Variants in MTERF3 observed in about 807,000 individuals in gnomAD.
The protein encoded by MTERF3 is transcription termination factor 3, mitochondrial.
Under a neutral mutation model 40.5 loss-of-function variants are expected in MTERF3, and 40 were observed. That is an observed-to-expected ratio of 0.99 (90% CI 0.77 to 1.29). The LOEUF is 1.29. Among genes scored for constraint, MTERF3 ranks in the 50% most tolerant of loss-of-function variants. The pLI is 0.00. For missense variants in MTERF3, 452 were observed against 478.2 expected (o/e 0.95, Z 0.51); for synonymous variants, 158 against 166.6 (o/e 0.95, Z 0.40).
chr8:96,240,552 A>C (rs1439591389), intron 7 of MTERF3, among the ~76,000 whole-genome samples: 1 of 152,170 alleles, frequency 6.6e-6, no homozygotes, highest in African/African-American at 2.4e-5. Context: ...CCTGCCTCAA[A>C]GTAAAACTCC....
intron 7 of MTERF3, among the ~76,000 whole-genome samples, chr8:96,242,301 G>C (rs1165440128): frequency 6.6e-6 from 1 of 152,152 alleles, no homozygotes; most frequent in Non-Finnish European, 1.5e-5. Flanking sequence ...GCAAGGGTTT[G>C]GGGTGCCTAA....
At chr8:96,250,316 T>A (rs1403557697) in intron 4 of MTERF3, among the ~76,000 whole-genome samples, 2 of 143,264 alleles carry the variant, frequency 1.4e-5, no homozygotes, top group Admixed American at 1.4e-4. Flanking sequence ...ATAAGTTAGC[T>A]ATTTGTTGAT....
Position 96,257,068 on chromosome 8 carries a change from C to T in MTERF3, c.381G>A (p.Glu127=). ...CTGCAATAATCTGAATAGCCTCTTC[C>T]TCTGAAATTGGCTGCATTGGAGACA... ...PPLSPMQPIS[E]EEAIQIIADP... The change falls in exon 3 of 8, where the codon GAG becomes GAA. Residue 127 remains glutamate, a synonymous_variant. Coordinates refer to ENST00000287025, the MANE Select transcript of MTERF3 (RefSeq NM_015942.5). 6.2e-7 allele frequency: 1 copy of T among 1,613,638 alleles called. No homozygotes were observed. The highest frequency in any genetic ancestry group is 8.5e-7 in the Non-Finnish European group (1 of 1,179,794).
intron 3 of MTERF3, among the ~76,000 whole-genome samples, chr8:96,251,549 C>A (rs987691965): frequency 1.3e-5 from 2 of 152,134 alleles, no homozygotes; most frequent in Non-Finnish European, 1.5e-5. Context: ...TGATTCCCAT[C>A]ATAGGGGGAA....
intron 4 of MTERF3, 148 bp downstream of exon 4, chr8:96,250,758 T>G: frequency 8.7e-6 from 5 of 577,062 alleles, no homozygotes; most frequent in Non-Finnish European, 1.4e-5. Flanking sequence ...TGTAAATACT[T>G]AATTTAGATC....
intron 7 of MTERF3, among the ~76,000 whole-genome samples, chr8:96,240,590 T>C (rs1034162520): frequency 1.3e-5 from 2 of 151,876 alleles, no homozygotes; most frequent in Non-Finnish European, 2.9e-5. Context: ...GGCAGCAACT[T>C]TAGAAAGGAG....
intron 4 of MTERF3, 21 bp downstream of exon 4, chr8:96,250,885 G>T: frequency 6.3e-7 from 1 of 1,585,834 alleles, no homozygotes; most frequent in Non-Finnish European, 8.5e-7. Context: ...GGTTATATGA[G>T]AATCCTTTTA....
At chr8:96,244,455 C>T (rs968765578) in intron 6 of MTERF3, among the ~76,000 whole-genome samples, 4 of 151,574 alleles carry the variant, frequency 2.6e-5, no homozygotes, top group Non-Finnish European at 5.9e-5. Context: ...GGCTGGAGTG[C>T]GGTGGCACGA....
chr8:96,245,162 G>A (rs1305490073), intron 6 of MTERF3, among the ~76,000 whole-genome samples: 1 of 149,816 alleles, frequency 6.7e-6, no homozygotes, highest in Non-Finnish European at 1.5e-5. Flanking sequence ...AAGCTCCTTG[G>A]GAGGAGAAGC....
intron 4 of MTERF3, among the ~76,000 whole-genome samples, chr8:96,246,736 T>C (rs912398480): frequency 2.0e-5 from 3 of 152,188 alleles, no homozygotes; most frequent in Non-Finnish European, 1.5e-5. Context: ...TTACTTTCAA[T>C]AGCAAAAACA....
intron 3 of MTERF3, among the ~76,000 whole-genome samples, chr8:96,256,746 A>G (rs192969659): frequency 6.6e-6 from 1 of 152,344 alleles, no homozygotes; most frequent in East Asian, 1.9e-4. Context: ...ACAAACAGAA[A>G]GAATGATACA....
intron 2 of MTERF3, 134 bp from the exon 3 acceptor site, chr8:96,257,248 C>T (rs559967639): frequency 4.5e-6 from 4 of 881,456 alleles, no homozygotes; most frequent in Non-Finnish European, 6.6e-6. Context: ...CATCCAAGTC[C>T]CTAATTTTTC....
At chr8:96,250,702 AGGGG>A (rs1810163358) in intron 4 of MTERF3, among the ~76,000 whole-genome samples, 200 bp downstream of exon 4, 2 of 24,478 alleles carry the variant, frequency 8.2e-5, no homozygotes, top group African/African-American at 2.2e-4. Flanking sequence ...GGAGGGGGGG[AGGGG>A]GAGGGGGAGA....
At chr8:96,253,806 G>T (rs545732369) in intron 3 of MTERF3, among the ~76,000 whole-genome samples, 1 of 149,026 alleles carries the variant, frequency 6.7e-6, no homozygotes, top group Admixed American at 6.7e-5. Context: ...AAGAGTTTGA[G>T]ACCAGCCTGG....
At chr8:96,240,937 T>A (rs1809916176) in intron 7 of MTERF3, among the ~76,000 whole-genome samples, 1 of 152,154 alleles carries the variant, frequency 6.6e-6, no homozygotes, top group African/African-American at 2.4e-5. Context: ...AGGGTGTACC[T>A]CAACATGGGT....
Position 96,257,087 on chromosome 8 carries a change from G to T in MTERF3, c.362C>A (p.Pro121Gln). 6.2e-7 allele frequency: 1 copy of T among 1,612,738 alleles called. No individual in the cohort carries two copies. Among genetic ancestry groups the T allele is most frequent in the Non-Finnish European group, 8.5e-7 (1 of 1,179,492 alleles). Residue 121 changes from proline (P) to glutamine (Q), a missense_variant, in exon 3 of 8, where the codon CCA becomes CAA. Coordinates refer to ENST00000287025, the MANE Select transcript of MTERF3 (RefSeq NM_015942.5). ...EELDELPPLS[P>Q]MQPISEEEAI... ...CTCTTCCTCTGAAATTGGCTGCATT[G>T]GAGACAATGGAGGCAATTCATCCAG...
intron 4 of MTERF3, among the ~76,000 whole-genome samples, chr8:96,248,376 T>G (rs1214085607): frequency 2.0e-5 from 3 of 152,132 alleles, no homozygotes; most frequent in Admixed American, 2.0e-4. Flanking sequence ...TGTACTAGAG[T>G]TAAAAAGAAT....
At position 96,246,421 on chromosome 8, in the gene MTERF3, T is replaced by C. The variant is rs1486753836; in HGVS notation, c.711A>G (p.Lys237=). ...TTCTGACCATCTGTGCAACATCTGC[T>C]TTACTGAAATTTTTTGAATGCAGAT... ...VAYLHSKNFS[K]ADVAQMVRKA... is the part of the protein sequence containing the mutation. The change falls in exon 5 of 8, where the codon AAA becomes AAG. Residue 237 remains lysine, a synonymous_variant. Coordinates refer to ENST00000287025, the MANE Select transcript of MTERF3 (RefSeq NM_015942.5). 1 of 1,611,144 alleles carries C rather than the reference T, an allele frequency of 6.2e-7. No individual in the cohort carries two copies. The highest frequency in any genetic ancestry group is 2.2e-5 in the East Asian group (1 of 44,694).
intron 3 of MTERF3, among the ~76,000 whole-genome samples, chr8:96,253,746 C>T (rs1810228707): frequency 6.6e-6 from 1 of 151,890 alleles, no homozygotes; most frequent in African/African-American, 2.4e-5. Flanking sequence ...TGGCTCATGC[C>T]TGTTATCCCA....
Sources: gnomAD v4.1 joint callset for allele counts (sites outside exome capture counted in the v4.1 genomes callset) on GRCh38, gnomAD v4.1.1 for gene constraint, MANE v1.5 for transcripts, NCBI Gene and HGNC (gene_info 2026-07-23, HGNC 2026-07-21) for gene names.